The following ZMYND19 variants were observed in gnomAD, a reference collection of about 807,000 sequenced individuals.
ZMYND19 encodes the protein zinc finger MYND-type containing 19, also known as zinc finger MYND domain-containing protein 19.
Under a neutral mutation model 32.0 loss-of-function variants are expected in ZMYND19, and 17 were observed. That is an observed-to-expected ratio of 0.53 (90% CI 0.36 to 0.80). The LOEUF (loss-of-function observed/expected upper bound fraction) is 0.80. ZMYND19 is among the 30% of genes least tolerant of loss of function. The pLI is 0.00. For missense variants in ZMYND19, 250 were observed against 293.6 expected, an observed-to-expected ratio of 0.85 and a Z score of 1.09; for synonymous variants, 124 against 113.6, an observed-to-expected ratio of 1.09 and a Z score of -0.58.
chr9:137,588,209 T>C (rs1048717989), intron 2 of ZMYND19, among the ~76,000 whole-genome samples: 6 of 151,950 alleles, frequency 3.9e-5, no homozygotes, highest in African/African-American at 1.5e-4. Flanking sequence ...GCGGCAGGAA[T>C]GGAAGCTGGG....
Position 137,588,729 on chromosome 9 carries a change from A to C in ZMYND19, c.52-11T>G. ...CAGCGTGTATTTGGTCTGGAAGTTA[A>C]CCACATGTTTCAAATCATTACATTT... On this transcript the variant is annotated splice_polypyrimidine_tract_variant and intron_variant, in intron 1 of 5. Transcript: ENST00000298585. 2 of 1,614,134 alleles carry C rather than the reference A, an allele frequency of 1.2e-6. No homozygotes were observed. The highest frequency in any genetic ancestry group is 1.1e-5 in the South Asian group (1 of 91,086).
At chr9:137,587,595 T>C (rs1842220199) in intron 3 of ZMYND19, 122 bp downstream of exon 3, 4 of 817,792 alleles carry the variant, frequency 4.9e-6, no homozygotes, top group Non-Finnish European at 8.2e-6. Context: ...CAAAAATAAC[T>C]GCGAGATTCA....
intron 4 of ZMYND19, among the ~76,000 whole-genome samples, 154 bp from the exon 5 acceptor site, chr9:137,583,317 A>T (rs995657405): frequency 6.6e-6 from 1 of 152,076 alleles, no homozygotes; most frequent in Non-Finnish European, 1.5e-5. Context: ...TGTGCTTTTC[A>T]CCACCTGACA....
rs768248279 is a variant in ZMYND19 at position 137,582,618 on chromosome 9, C to T, written c.609G>A (p.Lys203=). 7.4e-6 allele frequency: 12 copies of T among 1,613,496 alleles called. No individual in the cohort carries two copies. The highest frequency in any genetic ancestry group is 5.0e-5 in the Admixed American group (3 of 60,010). ...AGTGCTTCTTGTGGGCAGGCCAGTC[C>T]TTCTGCTGGCACTGGGAGCCGCAGT... The part of the protein sequence containing the change: ...ARYCGSQCQQ[K]DWPAHKKHCR... The change falls in exon 6 of 6, where the codon AAG becomes AAA. Residue 203 remains lysine, a synonymous_variant. Coordinates refer to ENST00000298585, the MANE Select transcript of ZMYND19 (RefSeq NM_138462.3).
chr9:137,587,138 C>G, intron 3 of ZMYND19, 31 bp from the exon 4 acceptor site: 1 of 1,594,868 alleles, frequency 6.3e-7, no homozygotes, highest in African/African-American at 1.3e-5. Context: ...CTGCATCTAA[C>G]CCTGCATCGC....
intron 2 of ZMYND19, among the ~76,000 whole-genome samples, chr9:137,588,201 G>A (rs995741404): frequency 6.6e-6 from 1 of 152,224 alleles, no homozygotes; most frequent in Non-Finnish European, 1.5e-5. Context: ...CAAGCTCAGC[G>A]GCAGGAATGG....
intron 5 of ZMYND19, 63 bp downstream of exon 5, chr9:137,582,920 C>T: frequency 6.3e-7 from 1 of 1,589,464 alleles, no homozygotes; most frequent in Admixed American, 1.7e-5. Context: ...GGCAAGATCC[C>T]AAACCAAGGC....
At chr9:137,585,662 A>C (rs1842196595) in intron 4 of ZMYND19, among the ~76,000 whole-genome samples, 1 of 152,160 alleles carries the variant, frequency 6.6e-6, no homozygotes, top group Admixed American at 6.5e-5. Context: ...GGTGGCAGGA[A>C]CAGCAGTTTG....
intron 1 of ZMYND19, chr9:137,588,938 A>G (rs1842238444): frequency 1.8e-6 from 1 of 550,452 alleles, no homozygotes; most frequent in African/African-American, 1.9e-5. Context: ...GTTAAAAGCC[A>G]GCTGCCCACT....
chr9:137,587,905 G>C (rs117620544), intron 2 of ZMYND19, 82 bp from the exon 3 acceptor site: 25,808 of 1,402,512 alleles, frequency 0.018, 321 homozygotes, highest in South Asian at 0.033. Flanking sequence ...AAAACCAAGT[G>C]AAACAAGCAA....
At position 137,582,639 on chromosome 9, in the gene ZMYND19, G is replaced by A. The variant is rs200796493; in HGVS notation, c.588C>T (p.Cys196=). The part of the protein sequence containing the change: ...ICGRCQVARY[C]GSQCQQKDWP... Reference sequence around the variant, plus strand: ...AGTCCTTCTGCTGGCACTGGGAGCCGCAGTACCGGGCCACCTGGCAGCGCC... The same window carrying A: ...AGTCCTTCTGCTGGCACTGGGAGCCACAGTACCGGGCCACCTGGCAGCGCC... The change falls in exon 6 of 6, where the codon TGC becomes TGT. Residue 196 remains cysteine (C), a synonymous_variant. Coordinates refer to ENST00000298585, the MANE Select transcript of ZMYND19 (RefSeq NM_138462.3). 43 of 1,613,272 alleles carry A rather than the reference G, an allele frequency of 2.7e-5. No homozygotes were observed. In the Middle Eastern group the frequency reaches 6.6e-4, roughly 25 times the overall value.
In ZMYND19 at chr9:137,582,611, G is replaced by A; in HGVS notation, c.616C>T (p.Pro206Ser). The change falls in exon 6 of 6, where the codon CCT (proline) becomes TCT (serine). Residue 206 changes from proline (P) to serine (S), a missense_variant. This residue lies in a region of ZMYND19 where 38 missense variants were observed against 74.9 expected (regional missense o/e 0.51). Coordinates refer to ENST00000298585, the MANE Select transcript of ZMYND19 (RefSeq NM_138462.3). ...CGSQCQQKDWPAHKKHCRERK... is the reference protein window; with the variant it reads ...CGSQCQQKDWSAHKKHCRERK... ...TCCCGACAGTGCTTCTTGTGGGCAG[G>A]CCAGTCCTTCTGCTGGCACTGGGAG... 2 of 1,613,564 alleles carry A rather than the reference G, an allele frequency of 1.2e-6. No individual in the cohort carries two copies. Among genetic ancestry groups the A allele is most frequent in the Non-Finnish European group, 8.5e-7 (1 of 1,180,034 alleles).
chr9:137,582,301 A>G lies in ZMYND19; in HGVS notation c.*242T>C. 1 of 455,246 alleles carries G rather than the reference A, an allele frequency of 2.2e-6. No individual in the cohort carries two copies. Among genetic ancestry groups the G allele is most frequent in the South Asian group, 4.3e-5 (1 of 23,122 alleles). The allele number at this position is 455,246 out of a possible 1,614,324, so 28.2% of individuals were successfully genotyped here. A position where few individuals can be genotyped will look rare whatever the true frequency, so the allele number is the denominator to read the frequency against. ...AAAAAAACTGTACATGAGTTTACAA[A>G]CATATTAACATATAAATAATGAGAA... On this transcript the variant is annotated 3_prime_UTR_variant, in exon 6 of 6. Coordinates refer to ENST00000298585, the MANE Select transcript of ZMYND19 (RefSeq NM_138462.3).
intron 4 of ZMYND19, among the ~76,000 whole-genome samples, chr9:137,585,996 T>G (rs938372732): frequency 6.6e-6 from 1 of 152,218 alleles, no homozygotes; most frequent in Admixed American, 6.5e-5. Flanking sequence ...CTGGCTCAAC[T>G]GGGCTCCCAA....
intron 1 of ZMYND19, chr9:137,589,434 C>G (rs2133304453): frequency 1.0e-6 from 1 of 985,458 alleles, no homozygotes; most frequent in Non-Finnish European, 1.2e-6. Context: ...CTCGGCTCCT[C>G]TCTCCCACCA....
chr9:137,587,439 G>T (rs1464806860), intron 3 of ZMYND19: 11 of 593,022 alleles, frequency 1.9e-5, no homozygotes, highest in Non-Finnish European at 3.3e-5. Context: ...TGCACACCGG[G>T]GGGGCTCGGC....
At chr9:137,588,325 G>A (rs917609031) in intron 2 of ZMYND19, among the ~76,000 whole-genome samples, 9 of 152,246 alleles carry the variant, frequency 5.9e-5, no homozygotes, top group African/African-American at 2.2e-4. Flanking sequence ...AAAGAGCAGG[G>A]TCTTCGAGCT....
In ZMYND19 at chr9:137,587,831, G is replaced by C. The variant is rs746897066; in HGVS notation, c.112-8C>G. The C allele has an allele frequency of 1.5e-5, 24 of 1,613,052 alleles. No homozygotes were observed. The highest frequency in any genetic ancestry group is 1.9e-5 in the Non-Finnish European group (22 of 1,179,238). On this transcript the variant is annotated splice_region_variant and splice_polypyrimidine_tract_variant and intron_variant, in intron 2 of 5. Transcript: ENST00000298585. ...ATCCACTTCCATTCGGGCCTGAGAAGGAACAAGGGAAAGAGCTGTTAAAAA... is the reference window on the plus strand; with the variant it reads ...ATCCACTTCCATTCGGGCCTGAGAACGAACAAGGGAAAGAGCTGTTAAAAA...
At chr9:137,584,529 C>T (rs142671375) in intron 4 of ZMYND19, among the ~76,000 whole-genome samples, 8 of 152,296 alleles carry the variant, frequency 5.3e-5, no homozygotes, top group South Asian at 4.1e-4. Flanking sequence ...TGAAATGACC[C>T]GCACCATGGC....
Sources: gnomAD v4.1 joint callset for allele counts (sites outside exome capture counted in the v4.1 genomes callset) on GRCh38, gnomAD v4.1.1 for gene constraint, gnomAD v4.1.1 regional missense constraint, MANE v1.5 for transcripts, NCBI Gene and HGNC (gene_info 2026-07-23, HGNC 2026-07-21) for gene names.